The following CABIN1 variants were observed in gnomAD, a reference collection of about 807,000 sequenced individuals.
CABIN1 encodes calcineurin-binding protein cabin-1.
A neutral mutation model predicts 227.7 loss-of-function variants in CABIN1; 133 were observed. That is an observed-to-expected ratio of 0.58 (90% CI 0.51 to 0.67). The LOEUF is 0.67. CABIN1 is among the 30% of genes least tolerant of loss of function. The pLI is 0.00. For synonymous variants in CABIN1, 1,086 were observed against 1,155.1 expected, an observed-to-expected ratio of 0.94 and a Z score of 1.21; for missense variants, 2,408 against 2,852.5, an observed-to-expected ratio of 0.84 and a Z score of 3.55.
At chr22:24,039,246 C>T (rs2037165040) in intron 4 of CABIN1, among the ~76,000 whole-genome samples, 1 of 152,200 alleles carries the variant, frequency 6.6e-6, no homozygotes, top group Non-Finnish European at 1.5e-5. Context: ...CTGGACTGCA[C>T]AGTCCTTGAG....
intron 29 of CABIN1, among the ~76,000 whole-genome samples, chr22:24,144,609 C>G (rs939368238): frequency 6.6e-6 from 1 of 152,260 alleles, no homozygotes; most frequent in African/African-American, 2.4e-5. Flanking sequence ...CTGGGCTGCA[C>G]TGGCCCCAAT....
intron 26 of CABIN1, among the ~76,000 whole-genome samples, chr22:24,104,688 C>T (rs2042412263): frequency 6.6e-6 from 1 of 152,222 alleles, no homozygotes; most frequent in Admixed American, 6.5e-5. Flanking sequence ...TGACAATGGG[C>T]ACCCCGATTT....
intron 19 of CABIN1, among the ~76,000 whole-genome samples, chr22:24,079,169 C>T (rs1465018265): frequency 1.3e-5 from 2 of 152,100 alleles, no homozygotes; most frequent in Admixed American, 1.3e-4. Flanking sequence ...ACTGGTTAGT[C>T]GTTATTATTC....
At chr22:24,115,452 G>A (rs531411082) in intron 27 of CABIN1, among the ~76,000 whole-genome samples, 1 of 152,360 alleles carries the variant, frequency 6.6e-6, no homozygotes, top group South Asian at 2.1e-4. Flanking sequence ...TGATAAGCAT[G>A]AAATGAAACC....
rs201053897 is a variant in CABIN1 at position 24,167,002 on chromosome 22, G to A, written c.5371G>A (p.Glu1791Lys). Reference sequence around the variant, plus strand: ...TCGCCCCGCAAGGGACCGGGGCCCCGAGAGCCGGCCCACTGAGCTGTCCCT... The same window carrying A: ...TCGCCCCGCAAGGGACCGGGGCCCCAAGAGCCGGCCCACTGAGCTGTCCCT... ...PGRPARDRGP[E>K]SRPTELSLEE... Residue 1791 changes from glutamate (E) to lysine (K), a missense_variant, in exon 32 of 37, where the codon GAG becomes AAG. By Grantham distance (56) the Glu-to-Lys change is moderately conservative. Transcript: ENST00000263119. The A allele has an allele frequency of 7.0e-6, 11 of 1,563,498 alleles. No homozygotes were observed. In the Admixed American group the frequency reaches 9.5e-5, roughly 14 times the overall value.
chr22:24,087,786 C>G (rs965125500), intron 23 of CABIN1, 73 bp downstream of exon 23: 1 of 1,576,072 alleles, frequency 6.3e-7, no homozygotes, highest in Non-Finnish European at 8.7e-7. Flanking sequence ...CAACGAAGCT[C>G]TGTCTCATTC....
intron 19 of CABIN1, among the ~76,000 whole-genome samples, chr22:24,081,135 A>G (rs1167808123): frequency 6.6e-5 from 10 of 152,218 alleles, no homozygotes; most frequent in African/African-American, 2.4e-4. Context: ...TGAATTTCAT[A>G]TAATCTTCAT....
At chr22:24,125,949 C>T (rs1427024621) in intron 28 of CABIN1, among the ~76,000 whole-genome samples, 1 of 152,208 alleles carries the variant, frequency 6.6e-6, no homozygotes, top group East Asian at 1.9e-4. Context: ...TGCTGCTTTC[C>T]TGGTCCTCTC....
chr22:24,036,080 T>C lies in CABIN1; in HGVS notation c.4-9T>C. On this transcript the variant is annotated splice_polypyrimidine_tract_variant and intron_variant, in intron 2 of 36. Coordinates refer to ENST00000263119, the MANE Select transcript of CABIN1 (RefSeq NM_012295.4). ...CAACTTGTCTCTTCCACCAAACCCC[T>C]GTTTCTAGATTCGAATTGCAGCCTT... The C allele has an allele frequency of 1.2e-6, 2 of 1,606,464 alleles. No individual in the cohort carries two copies. Among genetic ancestry groups the C allele is most frequent in the South Asian group, 2.2e-5 (2 of 90,940 alleles).
chr22:24,161,654 C>T lies in CABIN1; in HGVS notation c.4747-2746C>T, dbSNP rs1230947655. 2.6e-5 allele frequency among the ~76,000 whole-genome samples: 4 copies of T among 152,228 alleles called. No homozygotes were observed. In the East Asian group the frequency reaches 7.7e-4, roughly 29 times the overall value. ...CCTGCCCTCAGCCAGGCCTCTTGGT[C>T]ACTGCTGCCTATGCCCTTCTTTTCT... On this transcript the variant is annotated intron_variant, in intron 29 of 36. Transcript: ENST00000263119.
Position 24,178,446 on chromosome 22 carries a change from C to T in CABIN1, c.*250C>T, listed in dbSNP as rs1055936036. On this transcript the variant is annotated 3_prime_UTR_variant, in exon 37 of 37. Coordinates refer to ENST00000263119, the MANE Select transcript of CABIN1 (RefSeq NM_012295.4). The stretch of plus-strand genomic sequence containing the variant: ...AGGTGGATTGGTCGCCATCTGCACG[C>T]CAGGCGGCATCCTTTTCTATGAAGT... 3.7e-6 allele frequency: 2 copies of T among 542,500 alleles called. No individual in the cohort carries two copies. The highest frequency in any genetic ancestry group is 3.8e-5 in the African/African-American group (2 of 52,682). The allele number at this position is 542,500 out of a possible 1,614,324, so 33.6% of individuals were successfully genotyped here. A position where few individuals can be genotyped will look rare whatever the true frequency, so the allele number is the denominator to read the frequency against.
intron 20 of CABIN1, 77 bp downstream of exon 20, chr22:24,083,466 A>C (rs915827424): frequency 1.3e-6 from 2 of 1,531,544 alleles, no homozygotes; most frequent in African/African-American, 2.7e-5. Flanking sequence ...ATATTTGTCA[A>C]CAGTCATCTT....
At chr22:24,152,136 A>G (rs1277309117) in intron 29 of CABIN1, among the ~76,000 whole-genome samples, 3 of 152,220 alleles carry the variant, frequency 2.0e-5, no homozygotes, top group Non-Finnish European at 4.4e-5. Flanking sequence ...CTGTCCACTG[A>G]GATGGAGGCA....
At position 24,156,020 on chromosome 22, in the gene CABIN1, C is replaced by T. The variant is rs2045771040; in HGVS notation, c.4747-8380C>T. On this transcript the variant is annotated intron_variant, in intron 29 of 36. Coordinates refer to ENST00000263119, the MANE Select transcript of CABIN1 (RefSeq NM_012295.4). ...CGAGAGAGCGAACGAGCCTCCGCGG[C>T]CATGGCCCGGCGCTCGCCCTAGCTC... 4 of 573,406 alleles carry T rather than the reference C, an allele frequency of 7.0e-6. No individual in the cohort carries two copies. The Middle Eastern group carries it at 1.3e-3, about 181-fold the overall frequency. 35.5% of individuals were successfully genotyped at this position (573,406 alleles called of 1,614,324 possible).
chr22:24,083,173 A>T, intron 19 of CABIN1, 55 bp from the exon 20 acceptor site: 9 of 1,584,846 alleles, frequency 5.7e-6, no homozygotes, highest in Non-Finnish European at 7.8e-6. Context: ...CTGCTGTGAC[A>T]GGGAGGCAGT....
chr22:24,136,752 C>CACAT (rs2044449236), intron 29 of CABIN1, among the ~76,000 whole-genome samples: 1 of 150,790 alleles, frequency 6.6e-6, no homozygotes, highest in East Asian at 1.9e-4. Flanking sequence ...CACACACACA[C>CACAT]ACACACACAC....
At chr22:24,174,964 G>A (rs1392041494) in intron 34 of CABIN1, among the ~76,000 whole-genome samples, 2 of 152,178 alleles carry the variant, frequency 1.3e-5, no homozygotes, top group Non-Finnish European at 2.9e-5. Flanking sequence ...GGGGGCTAGA[G>A]ACTGCCTGCT....
chr22:24,109,563 C>T (rs912242806), intron 26 of CABIN1, among the ~76,000 whole-genome samples: 5 of 152,110 alleles, frequency 3.3e-5, no homozygotes, highest in Non-Finnish European at 7.4e-5. Flanking sequence ...CTCATGCCTA[C>T]CCTACCAGTA....
intron 23 of CABIN1, among the ~76,000 whole-genome samples, chr22:24,090,514 G>A (rs539774045): frequency 6.7e-6 from 1 of 149,024 alleles, no homozygotes; most frequent in South Asian, 2.1e-4. Context: ...TTCCTGTGTG[G>A]TCATTTTTTT....
Sources: allele counts gnomAD v4.1 joint callset (sites outside exome capture counted in the v4.1 genomes callset), GRCh38; gene constraint gnomAD v4.1.1; transcripts MANE v1.5; gene names NCBI Gene and HGNC (gene_info 2026-07-23, HGNC 2026-07-21).